Variants in TCERG1L observed in about 807,000 individuals in gnomAD.
TCERG1L encodes the protein transcription elongation regulator 1-like protein.
TCERG1L carries 37 observed loss-of-function variants against 56.3 expected under a neutral mutation model. The observed-to-expected ratio is 0.66, with a 90% confidence interval of 0.51 to 0.87. The LOEUF is 0.87. Among genes scored for constraint, TCERG1L ranks in the 40% least tolerant of loss-of-function variants. The pLI is 0.00. For missense variants in TCERG1L, 799 were observed against 774.2 expected (o/e 1.03, Z -0.38); for synonymous variants, 324 against 326.3 (o/e 0.99, Z 0.08).
At chr10:131,167,647 C>T (rs1846046851) in intron 4 of TCERG1L, among the ~76,000 whole-genome samples, 1 of 152,196 alleles carries the variant, frequency 6.6e-6, no homozygotes, top group South Asian at 2.1e-4. Context: ...TGGTCCTGGC[C>T]CTGCCAAGGG....
intron 4 of TCERG1L, among the ~76,000 whole-genome samples, chr10:131,229,845 GATA>G (rs889671794): frequency 1.3e-5 from 2 of 152,012 alleles, no homozygotes; most frequent in African/African-American, 2.4e-5. Context: ...TTAAAGAAGT[GATA>G]ATAATAATAA....
intron 9 of TCERG1L, among the ~76,000 whole-genome samples, chr10:131,115,185 T>C (rs1845444635): frequency 6.6e-6 from 1 of 152,264 alleles, no homozygotes. Flanking sequence ...AGTCACTGGC[T>C]GGACACTTGG....
intron 4 of TCERG1L, among the ~76,000 whole-genome samples, chr10:131,235,327 G>A (rs1396505489): frequency 6.6e-6 from 1 of 152,188 alleles, no homozygotes; most frequent in Non-Finnish European, 1.5e-5. Context: ...TGAACATGCA[G>A]GGAATGGCTC....
intron 4 of TCERG1L, among the ~76,000 whole-genome samples, chr10:131,216,390 C>T (rs1845668896): frequency 6.6e-6 from 1 of 152,176 alleles, no homozygotes; most frequent in Non-Finnish European, 1.5e-5. Flanking sequence ...ACTGCCTGCC[C>T]TTTTCGCTAC....
rs1037173912 is a variant in TCERG1L at position 131,260,676 on chromosome 10, T to A, written c.671-232A>T. On this transcript the variant is annotated intron_variant, in intron 3 of 11. Coordinates refer to ENST00000368642, the MANE Select transcript of TCERG1L (RefSeq NM_174937.4). This position sits in a 1 kb window ranked among gnomAD's most constrained non-coding sequence, Gnocchi z 5.8. ...CCAGTGCACACACAGAGCCGTGTGATGCCCAGTGAGCTGCAAGGCTTACAG... is the reference window on the plus strand; with the variant it reads ...CCAGTGCACACACAGAGCCGTGTGAAGCCCAGTGAGCTGCAAGGCTTACAG... Among the ~76,000 whole-genome samples, 1 of 152,032 alleles carries A rather than the reference T, an allele frequency of 6.6e-6. No homozygotes were observed. Among genetic ancestry groups the A allele is most frequent in the Non-Finnish European group, 1.5e-5 (1 of 68,024 alleles).
At chr10:131,269,433 C>T (rs575867130) in intron 3 of TCERG1L, among the ~76,000 whole-genome samples, 11 of 152,254 alleles carry the variant, frequency 7.2e-5, no homozygotes, top group African/African-American at 2.4e-4. Context: ...GTGATCTGCC[C>T]GTCTCAACCT....
At chr10:131,280,926 T>C (rs1050171227) in intron 3 of TCERG1L, among the ~76,000 whole-genome samples, 58 of 152,194 alleles carry the variant, frequency 3.8e-4, no homozygotes, top group Non-Finnish European at 1.5e-4. Flanking sequence ...TTGCTATCCA[T>C]GGAACCTGAT....
intron 7 of TCERG1L, among the ~76,000 whole-genome samples, chr10:131,137,524 A>C (rs2133407131): frequency 6.6e-6 from 1 of 152,222 alleles, no homozygotes; most frequent in African/African-American, 2.4e-5. Context: ...TGTCCAGGGG[A>C]GGGAGCATTC....
At chr10:131,264,450 T>C (rs1846265695) in intron 3 of TCERG1L, among the ~76,000 whole-genome samples, 1 of 152,150 alleles carries the variant, frequency 6.6e-6, no homozygotes, top group Non-Finnish European at 1.5e-5. Flanking sequence ...TGGTACTTAG[T>C]ATACAGATTT....
intron 4 of TCERG1L, among the ~76,000 whole-genome samples, chr10:131,258,178 G>A (rs1442574171): frequency 6.6e-6 from 1 of 152,198 alleles, no homozygotes; most frequent in Non-Finnish European, 1.5e-5. Context: ...CTAGGGGGCT[G>A]CCTGGGCATT....
intron 4 of TCERG1L, among the ~76,000 whole-genome samples, chr10:131,229,128 C>T (rs1281408210): frequency 7.6e-6 from 1 of 130,956 alleles, no homozygotes; most frequent in Admixed American, 7.5e-5. Flanking sequence ...TCAAGGTCTC[C>T]GGAGGCTCCC....
Position 131,128,448 on chromosome 10 carries a change from G to T in TCERG1L, c.1259+5931C>A, listed in dbSNP as rs1032858674. Among the ~76,000 whole-genome samples the T allele has an allele frequency of 3.9e-5, 6 of 152,128 alleles. 1 individual carries two copies. Among genetic ancestry groups the T allele is most frequent in the Admixed American group, 3.9e-4 (6 of 15,278 alleles). ...AGATACACCTCATATCTGGGAAAAC[G>T]AACCAAGAATCACCAAGATTTAGTT... On this transcript the variant is annotated intron_variant, in intron 8 of 11. Transcript: ENST00000368642.
intron 4 of TCERG1L, among the ~76,000 whole-genome samples, chr10:131,169,286 G>A (rs1475599854): frequency 7.4e-6 from 1 of 135,602 alleles, no homozygotes; most frequent in Non-Finnish European, 1.6e-5. Context: ...ACACAGCCAT[G>A]CCCTGGGGAA....
At chr10:131,186,063 G>C (rs2918101) in intron 4 of TCERG1L, among the ~76,000 whole-genome samples, 1 of 151,880 alleles carries the variant, frequency 6.6e-6, no homozygotes, top group African/African-American at 2.4e-5. Context: ...GTACTGTGCA[G>C]ATGAACCCCG....
At chr10:131,256,151 G>A (rs954196953) in intron 4 of TCERG1L, among the ~76,000 whole-genome samples, 1 of 152,180 alleles carries the variant, frequency 6.6e-6, no homozygotes, top group South Asian at 2.1e-4. Context: ...TGATTATAGA[G>A]GAGGAGGAAA....
rs547442964 is a variant in TCERG1L at position 131,292,029 on chromosome 10, TGTTAA to T, written c.670+16177_670+16181del. 3.0e-4 allele frequency among the ~76,000 whole-genome samples: 46 copies of T among 152,338 alleles called. No individual in the cohort carries two copies. In the South Asian group the frequency reaches 3.9e-3, roughly 13 times the overall value. ...ATTTGTTGGTCTTTTAATTCTGAGT[TGTTAA>T]GTTGACTGTCTCCAGTTCTCAAAAT... On this transcript the variant is annotated intron_variant, in intron 3 of 11. Coordinates refer to ENST00000368642, the MANE Select transcript of TCERG1L (RefSeq NM_174937.4).
chr10:131,093,079 G>A lies in TCERG1L; in HGVS notation c.*83C>T, dbSNP rs984652466. On this transcript the variant is annotated 3_prime_UTR_variant, in exon 12 of 12. Transcript: ENST00000368642. ...GCCGTGCAGGTCTCGGCCGCCCCAC[G>A]CCCGTGTCCGTCTCCACCGTGACCC... 37 of 1,486,840 alleles carry A rather than the reference G, an allele frequency of 2.5e-5. No individual in the cohort carries two copies. The highest frequency in any genetic ancestry group is 5.2e-5 in the South Asian group (4 of 76,898). The allele number at this position is 1,486,840 out of a possible 1,614,324, so 92.1% of individuals were successfully genotyped here.
At chr10:131,201,404 G>A (rs1845433071) in intron 4 of TCERG1L, among the ~76,000 whole-genome samples, 1 of 152,146 alleles carries the variant, frequency 6.6e-6, no homozygotes, top group African/African-American at 2.4e-5. Flanking sequence ...ACACAGACAC[G>A]TGATCGTGGG....
At chr10:131,137,356 G>A (rs1845687300) in intron 7 of TCERG1L, among the ~76,000 whole-genome samples, 1 of 152,176 alleles carries the variant, frequency 6.6e-6, no homozygotes, top group East Asian at 1.9e-4. Context: ...GGTCCCTCCT[G>A]GTCGTTCCTC....
Sources: allele counts gnomAD v4.1 joint callset (sites outside exome capture counted in the v4.1 genomes callset), GRCh38; gene constraint gnomAD v4.1.1; non-coding constraint Gnocchi (gnomAD v3.1); transcripts MANE v1.5; gene names NCBI Gene and HGNC (gene_info 2026-07-23, HGNC 2026-07-21).